The following MCUB variants were observed in gnomAD, a reference collection of about 807,000 sequenced individuals.
MCUB encodes the protein mitochondrial calcium uniporter dominant negative subunit beta.
Under a neutral mutation model 41.4 loss-of-function variants are expected in MCUB, and 46 were observed. The ratio of observed to expected loss-of-function variants is 1.11; its 90% CI spans 0.88 to 1.42. The LOEUF (loss-of-function observed/expected upper bound fraction) is 1.42, where lower values mean the gene tolerates loss of function less well. MCUB is among the 40% of genes most tolerant of loss of function. MCUB has a pLI of 0.00. For missense variants in MCUB, 403 were observed against 404.9 expected, an observed-to-expected ratio of 1.00 and a Z score of 0.04; for synonymous variants, 148 against 148.2, an observed-to-expected ratio of 1.00 and a Z score of 0.01.
rs1472282537 is a variant in MCUB at position 109,644,313 on chromosome 4, A to C, written c.100-14698A>C. On this transcript the variant is annotated intron_variant, in intron 1 of 7. Transcript: ENST00000394650. ...TCATTCTGAAAAACTTGGAAAATAG[A>C]GAAGACAAAAAACAAGCAGCCACAA... 3.3e-5 allele frequency among the ~76,000 whole-genome samples: 5 copies of C among 152,228 alleles called. No individual in the cohort carries two copies. In the East Asian group the frequency reaches 7.7e-4, roughly 23 times the overall value.
intron 4 of MCUB, among the ~76,000 whole-genome samples, chr4:109,678,594 G>A (rs1729633292): frequency 6.9e-6 from 1 of 145,932 alleles, no homozygotes; most frequent in South Asian, 2.2e-4. Flanking sequence ...AGACAGGGTG[G>A]CGGCCAGGCA....
chr4:109,619,019 T>TGCCTGC (rs1561229630), intron 1 of MCUB, among the ~76,000 whole-genome samples: 1 of 85,398 alleles, frequency 1.2e-5, no homozygotes, highest in East Asian at 3.5e-4. Context: ...TACCTACCTA[T>TGCCTGC]CTACCTGCCT....
chr4:109,604,900 A>G (rs955338434), intron 1 of MCUB, among the ~76,000 whole-genome samples: 2 of 152,018 alleles, frequency 1.3e-5, no homozygotes, highest in African/African-American at 4.8e-5. Flanking sequence ...GACCTTTTCA[A>G]TGTGTTCTAG....
intron 4 of MCUB, among the ~76,000 whole-genome samples, chr4:109,669,999 T>C (rs1056218389): frequency 6.6e-6 from 1 of 152,244 alleles, no homozygotes; most frequent in African/African-American, 2.4e-5. Flanking sequence ...AATTCCAATG[T>C]TCCTGCCATG....
In MCUB at chr4:109,687,611, C is replaced by A. The variant is rs549084835; in HGVS notation, c.*19C>A. 2 of 1,532,838 alleles carry A rather than the reference C, an allele frequency of 1.3e-6. No homozygotes were observed. The highest frequency in any genetic ancestry group is 1.8e-6 in the Non-Finnish European group (2 of 1,111,144). The allele number at this position is 1,532,838 out of a possible 1,614,324, so 95.0% of individuals were successfully genotyped here. A position where few individuals can be genotyped will look rare whatever the true frequency, so the allele number is the denominator to read the frequency against. ...GAATTAATCTTACAGTTTTAAATGT[C>A]GTCAGATTTTCCATTATGTATTGAT... On this transcript the variant is annotated 3_prime_UTR_variant, in exon 8 of 8. Transcript: ENST00000394650.
At chr4:109,656,354 CTTTTTTTTTTTTTTTT>C (rs752851425) in intron 1 of MCUB, among the ~76,000 whole-genome samples, 46 of 62,116 alleles carry the variant, frequency 7.4e-4, no homozygotes, top group East Asian at 1.3e-3. Flanking sequence ...TTACTCTCTA[CTTTTTTTTTTTTTTTT>C]TTTTTTTTTT....
intron 1 of MCUB, among the ~76,000 whole-genome samples, chr4:109,630,311 A>ATT (rs1728447054): frequency 6.6e-6 from 1 of 152,060 alleles, no homozygotes; most frequent in Non-Finnish European, 1.5e-5. Flanking sequence ...ATAAAATAAA[A>ATT]AACAGCCAGA....
rs1729905193 is a variant in MCUB, at chr4:109,688,380, G to GCTGA, written c.*790_*793dup. The GCTGA allele has an allele frequency of 6.6e-6, 1 of 152,226 alleles. No individual in the cohort carries two copies. The highest frequency in any genetic ancestry group is 2.4e-5 in the African/African-American group (1 of 41,466). The allele number at this position is 152,226 out of a possible 1,614,324, so 9.4% of individuals were successfully genotyped here. Reference sequence around the variant, plus strand: ...TTTGTAGGAACTTAACATGGAAGATGCTGACAGAATCAGATTTTGCAGGTG... The same window carrying GCTGA: ...TTTGTAGGAACTTAACATGGAAGATGCTGACTGACAGAATCAGATTTTGCAGGTG... On this transcript the variant is annotated 3_prime_UTR_variant, in exon 8 of 8. Coordinates refer to ENST00000394650, the MANE Select transcript of MCUB (RefSeq NM_017918.5).
At chr4:109,679,787 T>TTTGTTGTTGTTGTTG (rs377253519) in intron 4 of MCUB, among the ~76,000 whole-genome samples, 35 of 151,672 alleles carry the variant, frequency 2.3e-4, no homozygotes, top group African/African-American at 7.8e-4. Context: ...GAGGTATAAT[T>TTTGTTGTTGTTGTTG]TTGTTGTTGT....
intron 1 of MCUB, among the ~76,000 whole-genome samples, chr4:109,591,199 T>C (rs1727428611): frequency 6.6e-6 from 1 of 152,012 alleles, no homozygotes; most frequent in Non-Finnish European, 1.5e-5. Flanking sequence ...TTTTTTTTTT[T>C]TCCTTTGAGA....
rs1579100974 is a variant in MCUB at position 109,684,731 on chromosome 4, A to G, written c.816+85A>G. ...AAGCAATGAGCAAAAAAGCCTTTTT[A>G]TTTACTGAATTACTGCCATCTGGTT... On this transcript the variant is annotated intron_variant, in intron 6 of 7. Transcript: ENST00000394650. The G allele has an allele frequency of 2.5e-5, 17 of 676,582 alleles. No homozygotes were observed. The East Asian group carries it at 3.9e-4, about 16-fold the overall frequency. 41.9% of individuals were successfully genotyped at this position (676,582 alleles called of 1,614,324 possible). A position where few individuals can be genotyped will look rare whatever the true frequency, so the allele number is the denominator to read the frequency against.
rs146525646 is a variant in MCUB at position 109,607,378 on chromosome 4, C to T, written c.99+46942C>T. 5.9e-5 allele frequency among the ~76,000 whole-genome samples: 9 copies of T among 152,196 alleles called. 1 individual carries two copies. The highest frequency in any genetic ancestry group is 1.7e-4 in the African/African-American group (7 of 41,538). On this transcript the variant is annotated intron_variant, in intron 1 of 7. Coordinates refer to ENST00000394650, the MANE Select transcript of MCUB (RefSeq NM_017918.5). ...GATTACAGGTGCTTGCCACCACGCC[C>T]GGCTAATTTTTGTATTTTAAGTAGA...
chr4:109,686,228 C>G (rs1729833177), intron 7 of MCUB, among the ~76,000 whole-genome samples: 1 of 152,180 alleles, frequency 6.6e-6, no homozygotes, highest in Non-Finnish European at 1.5e-5. Flanking sequence ...ACCTCCGCCT[C>G]CTGGGTTCAA....
intron 1 of MCUB, among the ~76,000 whole-genome samples, chr4:109,627,774 G>T (rs1297367342): frequency 6.6e-6 from 1 of 152,078 alleles, no homozygotes; most frequent in East Asian, 1.9e-4. Context: ...TTAGCCAGGT[G>T]TGGTGGTGCG....
intron 1 of MCUB, among the ~76,000 whole-genome samples, chr4:109,628,751 T>G (rs546719060): frequency 6.6e-6 from 1 of 152,334 alleles, no homozygotes; most frequent in Non-Finnish European, 1.5e-5. Context: ...TCTACCCTTC[T>G]GCAAAATTGA....
rs1445724696 is a variant in MCUB, at chr4:109,674,614, A to G, written c.452-7968A>G. ...ATTTGTAAAGCTTCCCACAATTGAC[A>G]ATATATGTGCATGTGTTTAAACCAA... On this transcript the variant is annotated intron_variant, in intron 4 of 7. Coordinates refer to ENST00000394650, the MANE Select transcript of MCUB (RefSeq NM_017918.5). 7.9e-5 allele frequency among the ~76,000 whole-genome samples: 12 copies of G among 152,270 alleles called. No homozygotes were observed. In the East Asian group the frequency reaches 2.1e-3, roughly 27 times the overall value.
chr4:109,662,059 C>A (rs1411442232), intron 3 of MCUB, among the ~76,000 whole-genome samples: 1 of 151,994 alleles, frequency 6.6e-6, no homozygotes. Context: ...ACAGTGACCG[C>A]AAAGGAGGGA....
In MCUB at chr4:109,593,154, G is replaced by A. The variant is rs1013539426; in HGVS notation, c.99+32718G>A. On this transcript the variant is annotated intron_variant, in intron 1 of 7. Coordinates refer to ENST00000394650, the MANE Select transcript of MCUB (RefSeq NM_017918.5). ...CTTTCTCGTGTGTTAGCAGGGATGG[G>A]ATGTAGTGAAAAGGGGCAGTTAGGA... Among the ~76,000 whole-genome samples, 2 of 152,192 alleles carry A rather than the reference G, an allele frequency of 1.3e-5. 1 individual carries two copies. The highest frequency in any genetic ancestry group is 4.8e-5 in the African/African-American group (2 of 41,438).
chr4:109,647,889 G>A (rs1452123842), intron 1 of MCUB, among the ~76,000 whole-genome samples: 1 of 152,116 alleles, frequency 6.6e-6, no homozygotes, highest in Non-Finnish European at 1.5e-5. Context: ...TAAGGAAGAG[G>A]TGCTGGGCAG....
Sources: gnomAD v4.1 joint callset for allele counts (sites outside exome capture counted in the v4.1 genomes callset) on GRCh38, gnomAD v4.1.1 for gene constraint, MANE v1.5 for transcripts, NCBI Gene and HGNC (gene_info 2026-07-23, HGNC 2026-07-21) for gene names.